ATP8B1: variants seen among roughly 807,000 people sequenced by gnomAD.
ATP8B1 encodes the protein ATPase phospholipid transporting 8B1.
Under a neutral mutation model 149.9 loss-of-function variants are expected in ATP8B1, and 80 were observed. That is an observed-to-expected ratio of 0.53 (90% confidence interval 0.45 to 0.64). The LOEUF is 0.64. Ranked by LOEUF, ATP8B1 falls within the 30% of genes least tolerant of loss-of-function variation. The probability of loss-of-function intolerance (pLI) is 0.00; values close to 1 mark genes in which losing one functional copy is unlikely to be tolerated. For missense variants in ATP8B1, 1,247 were observed against 1,552.6 expected (o/e 0.80, Z 3.31); for synonymous variants, 536 against 562.8 (o/e 0.95, Z 0.67).
intron 1 of ATP8B1, among the ~76,000 whole-genome samples, chr18:57,795,895 G>A (rs535501402): frequency 1.3e-5 from 2 of 152,002 alleles, no homozygotes; most frequent in South Asian, 2.1e-4. Flanking sequence ...AAAGTCAGGC[G>A]CAGTGGCTCA....
intron 15 of ATP8B1, among the ~76,000 whole-genome samples, chr18:57,676,705 G>A (rs1331053386): frequency 1.9e-5 from 2 of 107,810 alleles, no homozygotes; most frequent in Admixed American, 1.3e-4. Flanking sequence ...GTGACAGACC[G>A]AGACTCCATT....
At position 57,674,929 on chromosome 18, in the gene ATP8B1, T is replaced by G; in HGVS notation, c.1724A>C (p.Asn575Thr). ...FGFAFLARTQNTITISELGTE... is the reference protein window; with the variant it reads ...FGFAFLARTQTTITISELGTE... ...GCCCAGTTCACTGATGGTGATGGTGTTCTGGGTCCTGGCGAGGAAGGCAAA... is the reference window on the plus strand; with the variant it reads ...GCCCAGTTCACTGATGGTGATGGTGGTCTGGGTCCTGGCGAGGAAGGCAAA... The change falls in exon 16 of 28, where the codon AAC (asparagine) becomes ACC (threonine). Residue 575 changes from asparagine to threonine, a missense_variant. Around this residue, in one of 3 missense-constraint regions of ATP8B1, gnomAD observed 853 missense variants for 1,035.7 expected, o/e 0.82. Coordinates refer to ENST00000648908, the MANE Select transcript of ATP8B1 (RefSeq NM_001374385.1). 6.2e-7 allele frequency: 1 copy of G among 1,614,242 alleles called. No individual in the cohort carries two copies.
intron 2 of ATP8B1, among the ~76,000 whole-genome samples, chr18:57,710,526 G>C (rs774556431): frequency 5.9e-5 from 9 of 151,994 alleles, no homozygotes; most frequent in Non-Finnish European, 1.0e-4. Context: ...AGCTGCACTG[G>C]TTGGTACACA....
intron 11 of ATP8B1, among the ~76,000 whole-genome samples, chr18:57,693,151 AT>A (rs1912624779): frequency 6.6e-6 from 1 of 152,250 alleles, no homozygotes; most frequent in African/African-American, 2.4e-5. Flanking sequence ...TATTATTTTT[AT>A]GTGATTTTAA....
intron 2 of ATP8B1, among the ~76,000 whole-genome samples, chr18:57,712,518 C>T (rs1048848585): frequency 6.6e-6 from 1 of 151,922 alleles, no homozygotes; most frequent in Non-Finnish European, 1.5e-5. Context: ...TCTGGCAAAC[C>T]TCGTCACCGA....
intron 1 of ATP8B1, among the ~76,000 whole-genome samples, chr18:57,776,184 A>T (rs1369276598): frequency 2.0e-5 from 3 of 152,048 alleles, no homozygotes; most frequent in Non-Finnish European, 4.4e-5. Context: ...ATACTTGATG[A>T]TTCAATTCCA....
chr18:57,702,682 A>ACG (rs1270208532), intron 4 of ATP8B1, among the ~76,000 whole-genome samples: 2 of 152,080 alleles, frequency 1.3e-5, no homozygotes, highest in African/African-American at 4.8e-5. Context: ...ACATAGAGAA[A>ACG]CGCCGTCTCT....
intron 1 of ATP8B1, chr18:57,740,758 T>C (rs2079906336): frequency 6.6e-6 from 1 of 152,066 alleles, no homozygotes; most frequent in Non-Finnish European, 1.5e-5. Flanking sequence ...TGGTTTTTAG[T>C]AGAGATGAGG....
intron 1 of ATP8B1, among the ~76,000 whole-genome samples, chr18:57,786,761 G>T (rs564829250): frequency 1.3e-5 from 2 of 152,186 alleles, no homozygotes; most frequent in African/African-American, 2.4e-5. Context: ...GATTACAGGC[G>T]TGAGCCACTG....
chr18:57,753,692 C>T (rs2123278158), intron 1 of ATP8B1, among the ~76,000 whole-genome samples: 1 of 152,092 alleles, frequency 6.6e-6, no homozygotes, highest in East Asian at 1.9e-4. Flanking sequence ...CTTTGGGAGG[C>T]TGAGGCGGGC....
At chr18:57,778,717 C>G (rs542852466) in intron 1 of ATP8B1, among the ~76,000 whole-genome samples, 2 of 152,238 alleles carry the variant, frequency 1.3e-5, no homozygotes, top group South Asian at 2.1e-4. Flanking sequence ...GAGGCCAGCT[C>G]CAGTTCTTTG....
intron 1 of ATP8B1, among the ~76,000 whole-genome samples, chr18:57,763,286 G>A (rs2080220092): frequency 6.6e-6 from 1 of 152,036 alleles, no homozygotes; most frequent in Non-Finnish European, 1.5e-5. Context: ...CAGCTACTAG[G>A]GAGGCTAAGG....
intron 1 of ATP8B1, among the ~76,000 whole-genome samples, chr18:57,773,271 A>AATC (rs1252299856): frequency 9.9e-5 from 15 of 152,076 alleles, no homozygotes; most frequent in African/African-American, 3.6e-4. Flanking sequence ...AGATGGTGTT[A>AATC]ATCTGTGGCC....
At chr18:57,667,605 A>G (rs148070598) in intron 19 of ATP8B1, 1 of 201,412 alleles carries the variant, frequency 5.0e-6, no homozygotes, top group East Asian at 1.2e-4. Context: ...AGTGAAAGTC[A>G]AAGTCTAATT....
At chr18:57,649,783 C>T (rs558793077) in intron 27 of ATP8B1, among the ~76,000 whole-genome samples, 62 of 152,228 alleles carry the variant, frequency 4.1e-4, no homozygotes, top group African/African-American at 1.5e-3. Context: ...TATCTCCCCC[C>T]GACACTGATA....
chr18:57,666,847 G>A (rs1910892240), intron 20 of ATP8B1, among the ~76,000 whole-genome samples: 1 of 152,118 alleles, frequency 6.6e-6, no homozygotes, highest in Non-Finnish European at 1.5e-5. Context: ...GAGCTGAGAA[G>A]GAATGGAGAA....
chr18:57,683,748 C>G (rs183699331), intron 15 of ATP8B1, among the ~76,000 whole-genome samples: 3 of 152,308 alleles, frequency 2.0e-5, no homozygotes, highest in Admixed American at 2.0e-4. Context: ...TTTCTTCTAT[C>G]ATAGTTCAAG....
chr18:57,778,666 A>G lies in ATP8B1; in HGVS notation c.-26+24332T>C, dbSNP rs539978249. Among the ~76,000 whole-genome samples the G allele has an allele frequency of 1.2e-4, 19 of 152,286 alleles. No homozygotes were observed. In the South Asian group the frequency reaches 3.7e-3, roughly 30 times the overall value. On this transcript the variant is annotated intron_variant, in intron 1 of 27. Coordinates refer to ENST00000648908, the MANE Select transcript of ATP8B1 (RefSeq NM_001374385.1). Reference sequence around the variant, plus strand: ...ATGATCCACCTCCAAGCTCACTCACAGGGCTGTTGGCAGGATTCCATCCTC... The same window carrying G: ...ATGATCCACCTCCAAGCTCACTCACGGGGCTGTTGGCAGGATTCCATCCTC...
chr18:57,756,069 C>T (rs1330345889), intron 1 of ATP8B1, among the ~76,000 whole-genome samples: 1 of 151,008 alleles, frequency 6.6e-6, no homozygotes, highest in Non-Finnish European at 1.5e-5. Context: ...ATCTAATAGT[C>T]TGATTTCGTC....
Sources: allele counts gnomAD v4.1 joint callset (sites outside exome capture counted in the v4.1 genomes callset), GRCh38; gene constraint gnomAD v4.1.1; regional missense constraint gnomAD v4.1.1; transcripts MANE v1.5; gene names NCBI Gene and HGNC (gene_info 2026-07-23, HGNC 2026-07-21).